The following GAB1 variants were observed in gnomAD, a reference collection of about 807,000 sequenced individuals.
GAB1 encodes GRB2-associated-binding protein 1.
A neutral mutation model predicts 66.5 loss-of-function variants in GAB1; 19 were observed. The ratio of observed to expected loss-of-function variants is 0.29; its 90% CI spans 0.20 to 0.42. GAB1 has a LOEUF of 0.42. GAB1 is among the 10% of genes least tolerant of loss of function. The pLI, the probability that GAB1 is intolerant of heterozygous loss-of-function variation, is 1.00. For synonymous variants in GAB1, 294 were observed against 301.4 expected, an observed-to-expected ratio of 0.98 and a Z score of 0.25; for missense variants, 732 against 858.5, an observed-to-expected ratio of 0.85 and a Z score of 1.84.
chr4:143,337,309 C>A (rs904424039), intron 1 of GAB1, 49 bp downstream of exon 1: 3 of 1,488,824 alleles, frequency 2.0e-6, no homozygotes, highest in Admixed American at 4.0e-5. Flanking sequence ...GTCCACACCC[C>A]TCCCCAGTCG....
chr4:143,399,484 TTTTG>T (rs1230752849), intron 1 of GAB1, among the ~76,000 whole-genome samples: 1 of 152,238 alleles, frequency 6.6e-6, no homozygotes, highest in Non-Finnish European at 1.5e-5. Context: ...GTTGTTGTGT[TTTTG>T]TTTGTTTTCC....
chr4:143,366,498 A>G (rs1054925371), intron 1 of GAB1, among the ~76,000 whole-genome samples: 1 of 152,190 alleles, frequency 6.6e-6, no homozygotes. Context: ...GATAATATAT[A>G]TGGGTGTTGG....
intron 6 of GAB1, among the ~76,000 whole-genome samples, chr4:143,458,035 A>G (rs1735286348): frequency 6.6e-6 from 1 of 152,072 alleles, no homozygotes; most frequent in South Asian, 2.1e-4. Flanking sequence ...TTTGTAGACA[A>G]CATTTTATCC....
chr4:143,461,512 G>C (rs558394300), intron 8 of GAB1, among the ~76,000 whole-genome samples: 1 of 152,232 alleles, frequency 6.6e-6, no homozygotes, highest in African/African-American at 2.4e-5. Flanking sequence ...GAAAAAGAAG[G>C]GTACAGCCCA....
At position 143,438,228 on chromosome 4, in the gene GAB1, C is replaced by T; in HGVS notation, c.823C>T (p.Pro275Ser). ...YSHDVLPKVS[P>S]SSTEADGELY... ...CCATGATGTTTTACCAAAGGTGTCT[C>T]CATCAAGTACTGAAGCAGATGGAGA... Residue 275 changes from proline (P) to serine (S), a missense_variant, in exon 4 of 10, where the codon CCA (proline) becomes TCA (serine). Coordinates refer to ENST00000262994, the MANE Select transcript of GAB1 (RefSeq NM_002039.4). 6.2e-7 allele frequency: 1 copy of T among 1,614,094 alleles called. No individual in the cohort carries two copies. Among genetic ancestry groups the T allele is most frequent in the Non-Finnish European group, 8.5e-7 (1 of 1,180,012 alleles).
intron 1 of GAB1, among the ~76,000 whole-genome samples, chr4:143,343,757 T>C (rs531639133): frequency 2.0e-5 from 3 of 152,298 alleles, no homozygotes; most frequent in African/African-American, 7.2e-5. Context: ...GGTGTACTGC[T>C]GGCAGCAACA....
chr4:143,352,996 T>G (rs1344672804), intron 1 of GAB1, among the ~76,000 whole-genome samples: 1 of 152,194 alleles, frequency 6.6e-6, no homozygotes, highest in African/African-American at 2.4e-5. Flanking sequence ...AGTACCTAAC[T>G]GTCGCCAAGA....
intron 1 of GAB1, among the ~76,000 whole-genome samples, chr4:143,383,751 A>G (rs1309787543): frequency 6.6e-6 from 1 of 152,144 alleles, no homozygotes; most frequent in Non-Finnish European, 1.5e-5. Context: ...TTTTGTACCC[A>G]TTATAATTTG....
chr4:143,468,697 G>A (rs1368468527), intron 9 of GAB1, among the ~76,000 whole-genome samples: 6 of 151,722 alleles, frequency 4.0e-5, no homozygotes, highest in Non-Finnish European at 7.4e-5. Flanking sequence ...AGGCCAAGGC[G>A]GATGGATCTT....
chr4:143,392,886 C>G (rs992570990), intron 1 of GAB1, among the ~76,000 whole-genome samples: 1 of 152,098 alleles, frequency 6.6e-6, no homozygotes, highest in Non-Finnish European at 1.5e-5. Context: ...TTTTTTACTT[C>G]TGAAATACTA....
At chr4:143,425,154 T>G in intron 2 of GAB1, 2 of 814,916 alleles carry the variant, frequency 2.5e-6, no homozygotes, top group Non-Finnish European at 4.3e-6. Flanking sequence ...CCAGATGGAA[T>G]AGTACATCTC....
chr4:143,392,436 A>G (rs1182674080), intron 1 of GAB1, among the ~76,000 whole-genome samples: 1 of 152,144 alleles, frequency 6.6e-6, no homozygotes, highest in Non-Finnish European at 1.5e-5. Context: ...TGATTGCTGC[A>G]TTGTTGAAAT....
chr4:143,473,449 CTA>C lies in GAB1; in HGVS notation c.*4264_*4265del, dbSNP rs937747943. ...TTAACTGTGCTTCCCAGTCCCACCT[CTA>C]TATGTCACTCATTTTCTGCAACAAA... On this transcript the variant is annotated 3_prime_UTR_variant, in exon 10 of 10. Coordinates refer to ENST00000262994, the MANE Select transcript of GAB1 (RefSeq NM_002039.4). The C allele has an allele frequency of 3.9e-5, 6 of 152,310 alleles. No homozygotes were observed. Among genetic ancestry groups the C allele is most frequent in the African/African-American group, 1.4e-4 (6 of 41,568 alleles). The allele number at this position is 152,310 out of a possible 1,614,324, so 9.4% of individuals were successfully genotyped here.
chr4:143,447,899 A>G (rs1384526153), intron 6 of GAB1, among the ~76,000 whole-genome samples: 1 of 152,162 alleles, frequency 6.6e-6, no homozygotes, highest in Non-Finnish European at 1.5e-5. Flanking sequence ...ATTTTTGCCC[A>G]TTCAGTATGA....
In GAB1 at chr4:143,434,936, A is replaced by G. The variant is rs182871953; in HGVS notation, c.593+1220A>G. Among the ~76,000 whole-genome samples the G allele has an allele frequency of 1.1e-3, 162 of 152,334 alleles. 2 individuals are homozygous for G. Among genetic ancestry groups the G allele is most frequent in the African/African-American group, 3.8e-3 (159 of 41,580 alleles). ...GATTGAGAGGCCAATCTCTGCCATT[A>G]GTAGCTATGTGACAATTAGTGATAC... On this transcript the variant is annotated intron_variant, in intron 3 of 9. Coordinates refer to ENST00000262994, the MANE Select transcript of GAB1 (RefSeq NM_002039.4).
In GAB1 at chr4:143,415,667, A is replaced by G; in HGVS notation, c.263A>G (p.Asn88Ser). ...EFENSYIFDINTIDRIFYLVA... is the reference protein window; with the variant it reads ...EFENSYIFDISTIDRIFYLVA... ...GAAAACAGCTACATTTTTGATATCA[A>G]CACTATTGACCGGATTTTCTACTTG... The change falls in exon 2 of 10, where the codon AAC (asparagine) becomes AGC (serine). Residue 88 changes from asparagine (N) to serine (S), a missense_variant. By Grantham distance (46) the Asn-to-Ser change is conservative. Coordinates refer to ENST00000262994, the MANE Select transcript of GAB1 (RefSeq NM_002039.4). 6.2e-7 allele frequency: 1 copy of G among 1,614,014 alleles called. No homozygotes were observed. The highest frequency in any genetic ancestry group is 8.5e-7 in the Non-Finnish European group (1 of 1,179,874).
At position 143,438,310 on chromosome 4, in the gene GAB1, A is replaced by C. The variant is rs758050524; in HGVS notation, c.905A>C (p.His302Pro). The change falls in exon 4 of 10, where the codon CAT becomes CCT. Residue 302 changes from histidine (H) to proline (P), a missense_variant. Around this residue, in one of 4 missense-constraint regions of GAB1, gnomAD observed 427 missense variants for 420.6 expected, o/e 1.02. Coordinates refer to ENST00000262994, the MANE Select transcript of GAB1 (RefSeq NM_002039.4). The part of the protein sequence containing the change: ...GTSSVETQMR[H>P]VSISYDIPPT... ...TCGAGTGTAGAGACTCAAATGAGGC[A>C]TGTATCTATTAGTTATGACATTCCT... The C allele has an allele frequency of 3.1e-6, 5 of 1,613,986 alleles. No homozygotes were observed. Among genetic ancestry groups the C allele is most frequent in the Non-Finnish European group, 4.2e-6 (5 of 1,179,896 alleles).
intron 2 of GAB1, among the ~76,000 whole-genome samples, chr4:143,427,141 A>G (rs1733402409): frequency 6.6e-6 from 1 of 152,204 alleles, no homozygotes; most frequent in African/African-American, 2.4e-5. Flanking sequence ...TCACAGACTG[A>G]ATTCCAGGCC....
At chr4:143,416,407 CAAAAAA>C (rs1175657725) in intron 2 of GAB1, among the ~76,000 whole-genome samples, 2 of 149,614 alleles carry the variant, frequency 1.3e-5, no homozygotes, top group African/African-American at 4.9e-5. Flanking sequence ...GACTCCGTCT[CAAAAAA>C]AAAGCACTTT....
Sources: allele counts gnomAD v4.1 joint callset (sites outside exome capture counted in the v4.1 genomes callset), GRCh38; gene constraint gnomAD v4.1.1; regional missense constraint gnomAD v4.1.1; transcripts MANE v1.5; gene names NCBI Gene and HGNC (gene_info 2026-07-23, HGNC 2026-07-21).